Variants in DSCAM observed in about 807,000 individuals in gnomAD.
DSCAM encodes cell adhesion molecule DSCAM.
In DSCAM, 47 loss-of-function variants were observed where a neutral mutation model predicts 217.7. That is an observed-to-expected ratio of 0.22 (90% CI 0.17 to 0.28). The LOEUF (loss-of-function observed/expected upper bound fraction) is 0.28. DSCAM is among the 10% of genes least tolerant of loss of function. DSCAM has a pLI of 1.00. For missense variants in DSCAM, 2,080 were observed against 2,618.3 expected, an observed-to-expected ratio of 0.79 and a Z score of 4.49; for synonymous variants, 1,056 against 1,015.3, an observed-to-expected ratio of 1.04 and a Z score of -0.76.
intron 18 of DSCAM, among the ~76,000 whole-genome samples, chr21:40,136,045 G>C (rs2090205045): frequency 6.6e-6 from 1 of 152,218 alleles, no homozygotes; most frequent in African/African-American, 2.4e-5. Context: ...AGGGAGCAGG[G>C]CGAGGATGGC....
chr21:40,584,076 G>C (rs1391442529), intron 3 of DSCAM, among the ~76,000 whole-genome samples: 1 of 152,130 alleles, frequency 6.6e-6, no homozygotes, highest in Non-Finnish European at 1.5e-5. Flanking sequence ...TTCTGTATCA[G>C]TCAGAAAAGA....
intron 3 of DSCAM, among the ~76,000 whole-genome samples, chr21:40,381,396 AT>A (rs2075023764): frequency 6.6e-6 from 1 of 152,270 alleles, no homozygotes; most frequent in South Asian, 2.1e-4. Flanking sequence ...GTCCCACAAG[AT>A]TTCTGCATTT....
intron 11 of DSCAM, among the ~76,000 whole-genome samples, chr21:40,214,802 A>G (rs1233173031): frequency 6.6e-6 from 1 of 152,104 alleles, no homozygotes; most frequent in Non-Finnish European, 1.5e-5. Flanking sequence ...ATAATGATAA[A>G]ATGACCAATT....
intron 16 of DSCAM, among the ~76,000 whole-genome samples, chr21:40,149,942 A>T (rs1173161060): frequency 6.6e-6 from 1 of 152,022 alleles, no homozygotes; most frequent in Non-Finnish European, 1.5e-5. Context: ...CACTATCACC[A>T]CAACCATCCA....
At chr21:40,534,643 T>G (rs1458504516) in intron 3 of DSCAM, among the ~76,000 whole-genome samples, 1 of 152,214 alleles carries the variant, frequency 6.6e-6, no homozygotes, top group Non-Finnish European at 1.5e-5. Flanking sequence ...GAGCTCTGCC[T>G]TGAAAAACAT....
intron 16 of DSCAM, among the ~76,000 whole-genome samples, chr21:40,148,324 A>G (rs1247765690): frequency 2.0e-5 from 3 of 152,146 alleles, no homozygotes; most frequent in Non-Finnish European, 4.4e-5. Flanking sequence ...CAGGTCCCCA[A>G]ACTATAAGGT....
rs555070503 is a variant in DSCAM at position 40,393,882 on chromosome 21, A to G, written c.509-24637T>C. Among the ~76,000 whole-genome samples, 22 of 152,342 alleles carry G rather than the reference A, an allele frequency of 1.4e-4. No individual in the cohort carries two copies. The South Asian group carries it at 4.6e-3, about 32-fold the overall frequency. ...TAATACATCATTTTAATACTGTGTA[A>G]TAATCCATTGGATGGGTATATAATA... is the stretch of plus-strand genomic sequence containing the variant. On this transcript the variant is annotated intron_variant, in intron 3 of 32. Coordinates refer to ENST00000400454, the MANE Select transcript of DSCAM (RefSeq NM_001389.5).
rs553141405 is a variant in DSCAM, at chr21:40,596,475, T to A, written c.508+96335A>T. On this transcript the variant is annotated intron_variant, in intron 3 of 32. Transcript: ENST00000400454. ...TTGAATTTTGTGGGTATTATTCAGT[T>A]AGCTAAAAGAAAAAACATCTTATCT... Among the ~76,000 whole-genome samples the A allele has an allele frequency of 3.3e-5, 5 of 152,296 alleles. No individual in the cohort carries two copies. The East Asian group carries it at 7.7e-4, about 24-fold the overall frequency.
intron 1 of DSCAM, among the ~76,000 whole-genome samples, chr21:40,830,296 C>T (rs945814242): frequency 1.3e-4 from 20 of 151,014 alleles, no homozygotes; most frequent in Non-Finnish European, 1.5e-5. Context: ...GTGCCACACA[C>T]TTTTAGATGA....
intron 3 of DSCAM, among the ~76,000 whole-genome samples, chr21:40,549,192 A>C (rs2076609793): frequency 6.6e-6 from 1 of 152,226 alleles, no homozygotes; most frequent in African/African-American, 2.4e-5. Flanking sequence ...TGTCTCAAAA[A>C]AAACATTAAA....
rs185479303 is a variant in DSCAM, at chr21:40,806,889, T to C, written c.43+39730A>G. Reference sequence around the variant, plus strand: ...AAAACCAAACACCACATATTCTCACTCACAGGTGGCAGTTGAACAATGAGA... The same window carrying C: ...AAAACCAAACACCACATATTCTCACCCACAGGTGGCAGTTGAACAATGAGA... On this transcript the variant is annotated intron_variant, in intron 1 of 32. Transcript: ENST00000400454. Among the ~76,000 whole-genome samples, 10 of 151,836 alleles carry C rather than the reference T, an allele frequency of 6.6e-5. No homozygotes were observed. In the East Asian group the frequency reaches 1.9e-3, roughly 30 times the overall value.
At chr21:40,485,194 A>G (rs548336463) in intron 3 of DSCAM, among the ~76,000 whole-genome samples, 1 of 150,610 alleles carries the variant, frequency 6.6e-6, no homozygotes, top group Non-Finnish European at 1.5e-5. Context: ...AATAAAACAC[A>G]GTCAGCCACT....
At chr21:40,090,307 C>T (rs974210067) in intron 21 of DSCAM, among the ~76,000 whole-genome samples, 10 of 152,116 alleles carry the variant, frequency 6.6e-5, no homozygotes, top group African/African-American at 2.4e-4. Flanking sequence ...GAGAGCCTCC[C>T]TCCCCCTCCC....
chr21:40,601,437 A>G (rs2077061352), intron 3 of DSCAM, among the ~76,000 whole-genome samples: 1 of 152,170 alleles, frequency 6.6e-6, no homozygotes, highest in African/African-American at 2.4e-5. Context: ...TTTCAAATAG[A>G]CTACCATGTC....
chr21:40,168,606 T>C (rs1051711676), intron 15 of DSCAM, among the ~76,000 whole-genome samples: 19 of 152,232 alleles, frequency 1.2e-4, no homozygotes, highest in Non-Finnish European at 2.4e-4. Context: ...AAAGGTTGTA[T>C]GGCACACGGG....
intron 8 of DSCAM, among the ~76,000 whole-genome samples, chr21:40,323,607 T>C (rs1170548511): frequency 6.6e-6 from 1 of 152,230 alleles, no homozygotes; most frequent in Non-Finnish European, 1.5e-5. Flanking sequence ...TGTGTTTGTT[T>C]TGTTGTTTTT....
intron 32 of DSCAM, among the ~76,000 whole-genome samples, chr21:40,040,480 A>G (rs1480630542): frequency 6.6e-6 from 1 of 152,222 alleles, no homozygotes; most frequent in Non-Finnish European, 1.5e-5. Context: ...ACAAAGGGAA[A>G]ATGACGGCAT....
chr21:40,560,838 C>T (rs973402166), intron 3 of DSCAM, among the ~76,000 whole-genome samples: 3 of 152,142 alleles, frequency 2.0e-5, no homozygotes, highest in African/African-American at 4.8e-5. Flanking sequence ...ATTGCTAGCC[C>T]GGGTAAAGAT....
chr21:40,527,403 C>A (rs915881964), intron 3 of DSCAM, among the ~76,000 whole-genome samples: 1 of 152,192 alleles, frequency 6.6e-6, no homozygotes, highest in African/African-American at 2.4e-5. Context: ...TGAGTCTAAG[C>A]TTCTGCACAC....
Sources: gnomAD v4.1 joint callset for allele counts (sites outside exome capture counted in the v4.1 genomes callset) on GRCh38, gnomAD v4.1.1 for gene constraint, MANE v1.5 for transcripts, NCBI Gene and HGNC (gene_info 2026-07-23, HGNC 2026-07-21) for gene names.